The following CDHR3 variants were observed in gnomAD, a reference collection of about 807,000 sequenced individuals.
The protein encoded by CDHR3 is cadherin related family member 3, also known as cadherin-related family member 3.
CDHR3 carries 79 observed loss-of-function variants against 86.6 expected under a neutral mutation model. That is an observed-to-expected ratio of 0.91 (90% CI 0.76 to 1.10). The LOEUF (loss-of-function observed/expected upper bound fraction) is 1.10, where lower values mean the gene tolerates loss of function less well. Among genes scored for constraint, CDHR3 ranks in the 50% least tolerant of loss-of-function variants. CDHR3 has a pLI of 0.00. For synonymous variants in CDHR3, 421 were observed against 402.4 expected, an observed-to-expected ratio of 1.05 and a Z score of -0.55; for missense variants, 1,081 against 1,077.6, an observed-to-expected ratio of 1.00 and a Z score of -0.04.
At chr7:105,996,625 G>T (rs1832281719) in intron 6 of CDHR3, among the ~76,000 whole-genome samples, 1 of 152,118 alleles carries the variant, frequency 6.6e-6, no homozygotes, top group Non-Finnish European at 1.5e-5. Context: ...CATGCCCCGG[G>T]GTGTGGCCTG....
At chr7:105,976,724 CT>C (rs1828868277) in intron 2 of CDHR3, among the ~76,000 whole-genome samples, 1 of 152,158 alleles carries the variant, frequency 6.6e-6, no homozygotes, top group Non-Finnish European at 1.5e-5. Flanking sequence ...TCTTTAATGA[CT>C]GACTTCTTTC....
chr7:106,020,348 A>G (rs1365501394), intron 12 of CDHR3, 25 bp from the exon 13 acceptor site: 1 of 1,569,278 alleles, frequency 6.4e-7, no homozygotes, highest in African/African-American at 1.4e-5. Context: ...AGCTATTGAG[A>G]ATGACCACCT....
chr7:106,020,794 G>A (rs1836449913), intron 13 of CDHR3, among the ~76,000 whole-genome samples: 1 of 152,118 alleles, frequency 6.6e-6, no homozygotes, highest in Non-Finnish European at 1.5e-5. Context: ...AGCTTGCTGG[G>A]GAAGTATTTG....
chr7:105,969,973 A>C (rs3843543), intron 1 of CDHR3, among the ~76,000 whole-genome samples: 40,234 of 151,908 alleles, frequency 0.26, 5,943 homozygotes, highest in East Asian at 0.67. Context: ...AAGGTCACAC[A>C]GTCAAGCAGT....
intron 11 of CDHR3, 40 bp from the exon 12 acceptor site, chr7:106,017,806 C>T (rs1835892065): frequency 6.0e-6 from 9 of 1,502,982 alleles, no homozygotes; most frequent in African/African-American, 1.4e-5. Context: ...TTCTCTACCC[C>T]TTAAAAGCAG....
At position 106,032,861 on chromosome 7, in the gene CDHR3, G is replaced by A; in HGVS notation, c.*164G>A. 1.6e-6 allele frequency: 1 copy of A among 641,054 alleles called. No homozygotes were observed. Among genetic ancestry groups the A allele is most frequent in the South Asian group, 2.2e-5 (1 of 44,870 alleles). The allele number at this position is 641,054 out of a possible 1,614,324, so 39.7% of individuals were successfully genotyped here. A position where few individuals can be genotyped will look rare whatever the true frequency, so the allele number is the denominator to read the frequency against. On this transcript the variant is annotated 3_prime_UTR_variant, in exon 19 of 19. Coordinates refer to ENST00000317716, the MANE Select transcript of CDHR3 (RefSeq NM_152750.5). ...GACAAATTTTTAAACAAATAGAAAGGGGTTTGATCACATAGTTGCGTGTTC... is the reference window on the plus strand; with the variant it reads ...GACAAATTTTTAAACAAATAGAAAGAGGTTTGATCACATAGTTGCGTGTTC...
rs1322119322 is a variant in CDHR3 at position 106,004,580 on chromosome 7, T to C, written c.945T>C (p.Val315=). 1 of 1,614,026 alleles carries C rather than the reference T, an allele frequency of 6.2e-7. No homozygotes were observed. The change falls in exon 8 of 19, where the codon GTT becomes GTC. Residue 315 remains valine, a synonymous_variant. Coordinates refer to ENST00000317716, the MANE Select transcript of CDHR3 (RefSeq NM_152750.5). ...AAAATCCCACCATTTCCCTGGAAGT[T>C]CTAGTGAAGGACAGACCATATGGGG... ...LRQNPTISLE[V]LVKDRPYGGQ...
intron 18 of CDHR3, 128 bp from the exon 19 acceptor site, chr7:106,032,265 A>G (rs981780090): frequency 2.3e-6 from 2 of 877,430 alleles, no homozygotes; most frequent in Non-Finnish European, 3.4e-6. Context: ...TGTCTGTGTC[A>G]GTGATTCACA....
At position 105,990,945 on chromosome 7, in the gene CDHR3, C is replaced by T. The variant is rs550981742; in HGVS notation, c.514-3806C>T. Among the ~76,000 whole-genome samples the T allele has an allele frequency of 5.9e-5, 9 of 152,270 alleles. 1 individual carries two copies. The South Asian group carries it at 1.9e-3, about 32-fold the overall frequency. On this transcript the variant is annotated intron_variant, in intron 4 of 18. Coordinates refer to ENST00000317716, the MANE Select transcript of CDHR3 (RefSeq NM_152750.5). ...CAGGAAGGATGGGCTTCTTGTCTTC[C>T]AAACTAAAGCTTTTGTGTCTGAGAG...
chr7:106,026,570 C>T, intron 15 of CDHR3, 112 bp from the exon 16 acceptor site: 3 of 1,102,884 alleles, frequency 2.7e-6, no homozygotes, highest in Non-Finnish European at 4.2e-6. Context: ...CTCTTTCAGT[C>T]AACCCCTGTA....
chr7:106,020,215 C>A (rs1015891675), intron 12 of CDHR3, among the ~76,000 whole-genome samples, 158 bp from the exon 13 acceptor site: 4 of 152,190 alleles, frequency 2.6e-5, no homozygotes, highest in Admixed American at 2.0e-4. Flanking sequence ...TCTAAACTTC[C>A]ATTTTCTCAC....
intron 2 of CDHR3, among the ~76,000 whole-genome samples, chr7:105,977,751 G>A (rs1241741546): frequency 6.6e-6 from 1 of 152,148 alleles, no homozygotes; most frequent in Non-Finnish European, 1.5e-5. Flanking sequence ...TGACATTCTG[G>A]AGGATGGCGA....
At position 106,035,148 on chromosome 7, in the gene CDHR3, G is replaced by T. The variant is rs1838813172; in HGVS notation, c.*2451G>T. Among the ~76,000 whole-genome samples the T allele has an allele frequency of 6.6e-6, 1 of 152,046 alleles. No homozygotes were observed. Among genetic ancestry groups the T allele is most frequent in the African/African-American group, 2.4e-5 (1 of 41,392 alleles). Reference sequence around the variant, plus strand: ...GAGCAGCTGGTCTTTCTTCTCCAGTGATGACAGGGCAAGAGGGAATTGTGC... The same window carrying T: ...GAGCAGCTGGTCTTTCTTCTCCAGTTATGACAGGGCAAGAGGGAATTGTGC... On this transcript the variant is annotated 3_prime_UTR_variant, in exon 19 of 19. Transcript: ENST00000317716.
At chr7:106,003,762 T>C (rs1194606968) in intron 7 of CDHR3, among the ~76,000 whole-genome samples, 1 of 152,040 alleles carries the variant, frequency 6.6e-6, no homozygotes, top group African/African-American at 2.4e-5. Flanking sequence ...AAGACACCTA[T>C]TCCCAGGAGA....
chr7:105,996,404 T>A (rs1351586808), intron 6 of CDHR3, 50 bp downstream of exon 6: 1 of 1,077,174 alleles, frequency 9.3e-7, no homozygotes, highest in African/African-American at 1.6e-5. Context: ...GCGTCCTTCT[T>A]AGGCGGCCTC....
At chr7:106,032,253 ACTGT>A in intron 18 of CDHR3, 136 bp from the exon 19 acceptor site, 1 of 813,886 alleles carries the variant, frequency 1.2e-6, no homozygotes, top group South Asian at 1.8e-5. Flanking sequence ...TCACACACCT[ACTGT>A]CTGTGTCAGT....
chr7:105,966,065 G>C (rs778803429), intron 1 of CDHR3, among the ~76,000 whole-genome samples: 3 of 152,148 alleles, frequency 2.0e-5, no homozygotes, highest in Non-Finnish European at 2.9e-5. Flanking sequence ...ACAAAGGGAG[G>C]CTCTACAAGA....
At chr7:106,026,206 A>G (rs1252063455) in intron 15 of CDHR3, among the ~76,000 whole-genome samples, 1 of 152,218 alleles carries the variant, frequency 6.6e-6, no homozygotes, top group Non-Finnish European at 1.5e-5. Flanking sequence ...ATAGAATCCA[A>G]GGTGATCATG....
intron 8 of CDHR3, among the ~76,000 whole-genome samples, chr7:106,005,193 C>T (rs928184555): frequency 4.6e-5 from 7 of 152,142 alleles, no homozygotes; most frequent in Non-Finnish European, 8.8e-5. Context: ...ATTCACCTTA[C>T]ACAACTTAAT....
Sources: gnomAD v4.1 joint callset for allele counts (sites outside exome capture counted in the v4.1 genomes callset) on GRCh38, gnomAD v4.1.1 for gene constraint, MANE v1.5 for transcripts, NCBI Gene and HGNC (gene_info 2026-07-23, HGNC 2026-07-21) for gene names.